The following ASIC2 variants were observed in gnomAD, a reference collection of about 807,000 sequenced individuals.
ASIC2 encodes acid sensing ion channel subunit 2.
ASIC2 carries 25 observed loss-of-function variants against 57.3 expected under a neutral mutation model. That is an observed-to-expected ratio of 0.44 (90% CI 0.32 to 0.61). ASIC2 has a LOEUF of 0.61. Ranked by LOEUF, ASIC2 falls within the 20% of genes least tolerant of loss-of-function variation. The pLI is 0.06. For synonymous variants in ASIC2, 319 were observed against 307.5 expected, an observed-to-expected ratio of 1.04 and a Z score of -0.39; for missense variants, 641 against 738.1, an observed-to-expected ratio of 0.87 and a Z score of 1.52.
At chr17:33,029,159 C>T (rs1437689212) in intron 3 of ASIC2, among the ~76,000 whole-genome samples, 1 of 152,164 alleles carries the variant, frequency 6.6e-6, no homozygotes, top group Non-Finnish European at 1.5e-5. Context: ...ATACAATGTA[C>T]AAATATTAAG....
intron 1 of ASIC2, among the ~76,000 whole-genome samples, chr17:33,575,486 TC>T (rs778332999): frequency 5.9e-5 from 9 of 152,248 alleles, no homozygotes; most frequent in Non-Finnish European, 1.2e-4. Context: ...TAGGTAACTC[TC>T]CTTCTTTGAA....
intron 1 of ASIC2, among the ~76,000 whole-genome samples, chr17:33,592,019 G>A (rs2142005204): frequency 6.6e-6 from 1 of 152,280 alleles, no homozygotes; most frequent in Non-Finnish European, 1.5e-5. Flanking sequence ...TTGATAATGT[G>A]CAAAGTTTCC....
chr17:33,484,458 G>A (rs7214958), intron 1 of ASIC2, among the ~76,000 whole-genome samples: 57,611 of 151,900 alleles, frequency 0.38, 11,056 homozygotes, highest in African/African-American at 0.43. Flanking sequence ...TTGTCTAGTA[G>A]CCACATGAAA....
intron 1 of ASIC2, among the ~76,000 whole-genome samples, chr17:33,139,942 CCCATCTA>C (rs2092380730): frequency 6.6e-6 from 1 of 152,174 alleles, no homozygotes; most frequent in Non-Finnish European, 1.5e-5. Flanking sequence ...CACGTTTTGC[CCCATCTA>C]CCTGCCGGGG....
chr17:33,299,814 A>G (rs965700633), intron 1 of ASIC2, among the ~76,000 whole-genome samples: 1 of 152,196 alleles, frequency 6.6e-6, no homozygotes, highest in African/African-American at 2.4e-5. Flanking sequence ...AGTGTGGCTG[A>G]AGCGTTGTGG....
intron 3 of ASIC2, among the ~76,000 whole-genome samples, chr17:33,029,282 C>A (rs1025080439): frequency 2.0e-5 from 3 of 152,352 alleles, no homozygotes; most frequent in Middle Eastern, 3.4e-3. Flanking sequence ...CCTGTCCAAT[C>A]AGTCCCCAAC....
rs143228803 is a variant in ASIC2 at position 33,871,620 on chromosome 17, T to C, written c.555+284358A>G. Reference sequence around the variant, plus strand: ...GACCCTCCCACCCTCTCCATTCTAGTCTAAAGGTGTCTTCTCTCAGGGCAG... The same window carrying C: ...GACCCTCCCACCCTCTCCATTCTAGCCTAAAGGTGTCTTCTCTCAGGGCAG... On this transcript the variant is annotated intron_variant, in intron 1 of 9. Coordinates refer to the ASIC2 transcript ENST00000359872. 4.0e-3 allele frequency among the ~76,000 whole-genome samples: 605 copies of C among 152,228 alleles called. 6 individuals carry two copies. Among genetic ancestry groups the C allele is most frequent in the African/African-American group, 0.013 (558 of 41,536 alleles).
chr17:33,817,374 GC>G (rs1281176260), intron 1 of ASIC2, among the ~76,000 whole-genome samples: 2 of 152,134 alleles, frequency 1.3e-5, no homozygotes. Context: ...CCTGAGTTCT[GC>G]CTTGCCTTTG....
intron 5 of ASIC2, among the ~76,000 whole-genome samples, chr17:33,024,568 C>A (rs1346836117): frequency 1.3e-5 from 2 of 152,192 alleles, no homozygotes; most frequent in African/African-American, 4.8e-5. Context: ...AAGTTTAAGG[C>A]ATCATTTCCC....
intron 1 of ASIC2, among the ~76,000 whole-genome samples, chr17:33,731,230 T>C (rs1909731767): frequency 6.6e-6 from 1 of 152,208 alleles, no homozygotes; most frequent in Non-Finnish European, 1.5e-5. Flanking sequence ...AAACCACTTG[T>C]TGCTCCTTTG....
intron 1 of ASIC2, among the ~76,000 whole-genome samples, chr17:33,384,623 C>A (rs974354659): frequency 6.6e-6 from 1 of 152,174 alleles, no homozygotes; most frequent in Non-Finnish European, 1.5e-5. Flanking sequence ...ATTAGAGATG[C>A]ACTCCATGCT....
chr17:33,228,869 C>T (rs1907985290), intron 1 of ASIC2, among the ~76,000 whole-genome samples: 1 of 152,250 alleles, frequency 6.6e-6, no homozygotes, highest in Non-Finnish European at 1.5e-5. Context: ...AGGTGGCACA[C>T]CTGCCTCCCA....
intron 1 of ASIC2, among the ~76,000 whole-genome samples, chr17:33,432,423 G>A (rs1281388531): frequency 6.6e-6 from 1 of 152,174 alleles, no homozygotes; most frequent in African/African-American, 2.4e-5. Context: ...GACTCAGTGG[G>A]AGGATCCCTT....
At chr17:33,561,767 G>T (rs1438408588) in intron 1 of ASIC2, among the ~76,000 whole-genome samples, 1 of 152,224 alleles carries the variant, frequency 6.6e-6, no homozygotes, top group African/African-American at 2.4e-5. Context: ...GGAGCAGAAA[G>T]CCCAGCGGGA....
chr17:33,739,461 T>G (rs1910027735), intron 1 of ASIC2, among the ~76,000 whole-genome samples: 1 of 152,234 alleles, frequency 6.6e-6, no homozygotes, highest in African/African-American at 2.4e-5. Flanking sequence ...GAATGTGATG[T>G]AATAAATTAA....
At chr17:33,040,473 ATAGTTT>A (rs2091925534) in intron 3 of ASIC2, among the ~76,000 whole-genome samples, 1 of 152,232 alleles carries the variant, frequency 6.6e-6, no homozygotes, top group African/African-American at 2.4e-5. Context: ...TCTGGACCAG[ATAGTTT>A]CTAAGCTCCA....
chr17:34,089,702 C>T (rs1910253417), intron 1 of ASIC2, among the ~76,000 whole-genome samples: 1 of 152,142 alleles, frequency 6.6e-6, no homozygotes, highest in African/African-American at 2.4e-5. Context: ...GAGAAGATCA[C>T]TCTCTTCAAA....
intron 1 of ASIC2, among the ~76,000 whole-genome samples, chr17:33,114,055 G>T (rs765534851): frequency 6.5e-4 from 99 of 152,276 alleles, no homozygotes; most frequent in Middle Eastern, 3.4e-3. Context: ...AAGCTCTACT[G>T]CTCGCCTTGA....
At chr17:33,961,665 A>G (rs983633145) in intron 1 of ASIC2, among the ~76,000 whole-genome samples, 5 of 152,164 alleles carry the variant, frequency 3.3e-5, no homozygotes, top group African/African-American at 1.2e-4. Context: ...TCAGGTGATG[A>G]TTGCTCAGAC....
Sources: gnomAD v4.1 joint callset for allele counts (sites outside exome capture counted in the v4.1 genomes callset) on GRCh38, gnomAD v4.1.1 for gene constraint, MANE v1.5 for transcripts, NCBI Gene and HGNC (gene_info 2026-07-23, HGNC 2026-07-21) for gene names.